Variants in PDE3B observed in about 807,000 individuals in gnomAD.
PDE3B encodes phosphodiesterase 3B.
A neutral mutation model predicts 116.8 loss-of-function variants in PDE3B; 66 were observed. The ratio of observed to expected loss-of-function variants is 0.56; its 90% CI spans 0.46 to 0.69. The LOEUF (loss-of-function observed/expected upper bound fraction) is 0.69. PDE3B is among the 30% of genes least tolerant of loss of function. The pLI, the probability that PDE3B is intolerant of heterozygous loss-of-function variation, is 0.00. For synonymous variants in PDE3B, 595 were observed against 533.6 expected (o/e 1.12, Z -1.59); for missense variants, 1,384 against 1,368.1 (o/e 1.01, Z -0.18).
At chr11:14,864,475 C>T (rs999414826) in intron 14 of PDE3B, among the ~76,000 whole-genome samples, 3 of 152,194 alleles carry the variant, frequency 2.0e-5, no homozygotes, top group East Asian at 3.8e-4. Context: ...ACAGAACTCT[C>T]CACCCCAAAT....
rs746612159 is a variant in PDE3B at position 14,824,985 on chromosome 11, T to TA, written c.1808-5699dup. Among the ~76,000 whole-genome samples the TA allele has an allele frequency of 5.7e-3, 814 of 143,350 alleles. 6 individuals are homozygous for TA. The highest frequency in any genetic ancestry group is 0.035 in the Middle Eastern group (10 of 282). The allele number at this position is 143,350 out of a possible 152,430, so 94.0% of individuals were successfully genotyped here. A position where few individuals can be genotyped will look rare whatever the true frequency, so the allele number is the denominator to read the frequency against. On this transcript the variant is annotated intron_variant, in intron 7 of 15. Transcript: ENST00000282096. ...CCTGGGCTCCTATATTCAACATTCT[T>TA]AAAAAAAAAAAAAATCTTCAAGAAT...
At chr11:14,791,171 C>T (rs1324502250) in intron 4 of PDE3B, among the ~76,000 whole-genome samples, 2 of 152,018 alleles carry the variant, frequency 1.3e-5, no homozygotes, top group Non-Finnish European at 2.9e-5. Context: ...ATGTTTTGTT[C>T]AGGAATCTTT....
intron 1 of PDE3B, among the ~76,000 whole-genome samples, chr11:14,705,822 G>A (rs1354789628): frequency 6.6e-6 from 1 of 151,692 alleles, no homozygotes; most frequent in African/African-American, 2.4e-5. Flanking sequence ...ACCTTTAATT[G>A]AATATTGATA....
intron 5 of PDE3B, among the ~76,000 whole-genome samples, chr11:14,816,411 T>C (rs1459894749): frequency 7.2e-6 from 1 of 138,004 alleles, no homozygotes; most frequent in Non-Finnish European, 1.6e-5. Context: ...TGAATGAGAC[T>C]TTACTTGGGT....
chr11:14,877,233 A>G, the PDE3B span, among the ~76,000 whole-genome samples: 6 of 152,080 alleles, frequency 3.9e-5, no homozygotes, highest in African/African-American at 1.2e-4. Context: ...ATTCACTCTC[A>G]AGTGTCCCAG....
rs540957596 is a variant in PDE3B, at chr11:14,820,883, C to T, written c.1807+1674C>T. ...AATAAATTCCTATTTTTTTATAAGC[C>T]ACTCAGTCTGTAGTATCCAATTATA... On this transcript the variant is annotated intron_variant, in intron 7 of 15. Coordinates refer to ENST00000282096, the MANE Select transcript of PDE3B (RefSeq NM_000922.4). 1.1e-4 allele frequency among the ~76,000 whole-genome samples: 17 copies of T among 152,282 alleles called. No individual in the cohort carries two copies. In the East Asian group the frequency reaches 3.1e-3, roughly 28 times the overall value.
At chr11:14,650,305 G>A (rs1853536695) in intron 1 of PDE3B, among the ~76,000 whole-genome samples, 1 of 151,308 alleles carries the variant, frequency 6.6e-6, no homozygotes, top group Non-Finnish European at 1.5e-5. Flanking sequence ...GCAGGCTCAA[G>A]TAATCCTCCC....
the PDE3B span, chr11:14,878,086 T>TA: frequency 6.2e-7 from 1 of 1,609,342 alleles, no homozygotes; most frequent in Non-Finnish European, 8.5e-7. Flanking sequence ...ATAAGGCAAA[T>TA]ATACATTCTT....
At chr11:14,679,695 G>A (rs1210357466) in intron 1 of PDE3B, among the ~76,000 whole-genome samples, 1 of 151,558 alleles carries the variant, frequency 6.6e-6, no homozygotes, top group Non-Finnish European at 1.5e-5. Context: ...CCCTACATGT[G>A]GAGCAGCTCA....
chr11:14,878,338 A>C, the PDE3B span: 1 of 1,581,936 alleles, frequency 6.3e-7, no homozygotes, highest in Middle Eastern at 1.7e-4. Flanking sequence ...TTAAACCCAC[A>C]ATCTTTACCA....
At chr11:14,690,631 T>C (rs1381057042) in intron 1 of PDE3B, among the ~76,000 whole-genome samples, 1 of 151,656 alleles carries the variant, frequency 6.6e-6, no homozygotes, top group Non-Finnish European at 1.5e-5. Flanking sequence ...TTTTTTTTTT[T>C]TAAAGAAGGC....
At chr11:14,876,482 C>T (rs1848190714), downstream of PDE3B, among the ~76,000 whole-genome samples, 1 of 152,146 alleles carries the variant, frequency 6.6e-6, no homozygotes, top group Admixed American at 6.6e-5. Flanking sequence ...ACTACACCAC[C>T]CATATGTAGC....
chr11:14,731,580 A>G (rs956658791), intron 1 of PDE3B, among the ~76,000 whole-genome samples: 9 of 152,014 alleles, frequency 5.9e-5, no homozygotes, highest in Non-Finnish European at 1.2e-4. Flanking sequence ...TTTTAACCTT[A>G]CAACACCCCT....
At chr11:14,676,909 T>C (rs930932172) in intron 1 of PDE3B, among the ~76,000 whole-genome samples, 1 of 152,142 alleles carries the variant, frequency 6.6e-6, no homozygotes, top group Non-Finnish European at 1.5e-5. Context: ...TGCTTAAGCA[T>C]CTCTAAGGTA....
chr11:14,725,994 C>G (rs1247727793), intron 1 of PDE3B, among the ~76,000 whole-genome samples: 1 of 152,162 alleles, frequency 6.6e-6, no homozygotes, highest in African/African-American at 2.4e-5. Flanking sequence ...CTCTTTCCCT[C>G]TACTTCAGCT....
intron 4 of PDE3B, among the ~76,000 whole-genome samples, chr11:14,791,924 C>CTATG (rs1398904683): frequency 2.6e-5 from 4 of 151,980 alleles, no homozygotes; most frequent in African/African-American, 9.7e-5. Context: ...AATGTAAATG[C>CTATG]TATGTAAAGA....
chr11:14,649,834 C>A (rs1306133332), intron 1 of PDE3B, among the ~76,000 whole-genome samples: 1 of 152,062 alleles, frequency 6.6e-6, no homozygotes, highest in Admixed American at 6.5e-5. Context: ...CTGACTATTG[C>A]CTGCTTCGCT....
At chr11:14,742,747 G>A (rs1404481531) in intron 1 of PDE3B, among the ~76,000 whole-genome samples, 1 of 152,036 alleles carries the variant, frequency 6.6e-6, no homozygotes, top group Non-Finnish European at 1.5e-5. Context: ...TAATGTTGGT[G>A]ACCTCTGGAT....
At chr11:14,861,457 G>A (rs1810390193) in intron 14 of PDE3B, 91 bp downstream of exon 14, 1 of 1,175,170 alleles carries the variant, frequency 8.5e-7, no homozygotes, top group Admixed American at 2.0e-5. Context: ...TTAAGTGTTT[G>A]AAATCTGAGT....
Sources: allele counts gnomAD v4.1 joint callset (sites outside exome capture counted in the v4.1 genomes callset), GRCh38; gene constraint gnomAD v4.1.1; transcripts MANE v1.5; gene names NCBI Gene and HGNC (gene_info 2026-07-23, HGNC 2026-07-21).